Variants in PLAC1 observed in about 807,000 individuals in gnomAD.
PLAC1 encodes placenta-specific protein 1.
For missense variants in PLAC1, 136 were observed against 163.2 expected (o/e 0.83, Z 0.91); for synonymous variants, 68 against 62.1 (o/e 1.09, Z -0.44).
intron 1 of PLAC1, among the ~76,000 whole-genome samples, chrX:134,645,032 C>A (rs1218272716): frequency 9.0e-6 from 1 of 111,660 alleles, no homozygotes; most frequent in African/African-American, 3.3e-5. Context: ...CAGTTGGTAG[C>A]CTTTTGCCAT....
chrX:134,566,296 G>A lies in PLAC1; in HGVS notation c.387C>T (p.Ser129=). ...CCCTGCTCTTGCTGGCTACTCTCAT[G>A]GAGCAGGGCTTGGTGAGCCATGGGG... The part of the protein sequence containing the change: ...QKSPWLTKPC[S]MRVASKSRAT... Residue 129 remains serine, a synonymous_variant, in exon 3 of 3, where the codon TCC becomes TCT. Coordinates refer to ENST00000359237, the MANE Select transcript of PLAC1 (RefSeq NM_021796.4). The A allele has an allele frequency of 1.7e-6, 2 of 1,212,039 alleles. No homozygotes were observed. Among genetic ancestry groups the A allele is most frequent in the South Asian group, 3.5e-5 (2 of 56,999 alleles).
intron 1 of PLAC1, among the ~76,000 whole-genome samples, chrX:134,655,332 T>TACACAC (rs545237127): frequency 0.092 from 9,067 of 98,970 alleles, 622 homozygotes; most frequent in Admixed American, 0.3. Context: ...TCAATCTATT[T>TACACAC]ACACACACAC....
intron 2 of PLAC1, among the ~76,000 whole-genome samples, chrX:134,696,530 A>AG (rs1476692783): frequency 8.9e-6 from 1 of 112,206 alleles, no homozygotes; most frequent in African/African-American, 3.2e-5. Flanking sequence ...CAACCACCAA[A>AG]GGGAATTAGG....
chrX:134,688,076 C>T (rs375340548), intron 2 of PLAC1, among the ~76,000 whole-genome samples: 3 of 106,925 alleles, frequency 2.8e-5, no homozygotes, highest in Non-Finnish European at 5.8e-5. Flanking sequence ...TCCTGATGAC[C>T]GGCTCAGACT....
chrX:134,587,534 T>C (rs956236238), intron 2 of PLAC1, among the ~76,000 whole-genome samples: 1 of 110,713 alleles, frequency 9.0e-6, no homozygotes, highest in Non-Finnish European at 1.9e-5. Context: ...TGAGCTATGA[T>C]TGTGCCACTG....
chrX:134,743,144 G>A (rs945905102), intron 1 of PLAC1, among the ~76,000 whole-genome samples: 2 of 111,891 alleles, frequency 1.8e-5, no homozygotes, highest in Admixed American at 9.5e-5. Flanking sequence ...CCTAGAAGAT[G>A]TAACAAGAAA....
Position 134,635,951 on chromosome X carries a change from T to A in PLAC1, c.-131+22377A>T, listed in dbSNP as rs997454648. 2.7e-5 allele frequency among the ~76,000 whole-genome samples: 3 copies of A among 112,482 alleles called. No homozygotes were observed. The East Asian group carries it at 8.4e-4, about 31-fold the overall frequency. On this transcript the variant is annotated intron_variant, in intron 1 of 2. Transcript: ENST00000359237. ...CTAAAGCTAAGGTGCTGCCTAAAGC[T>A]AAGTTTATTGTACAAACTGGAACAC... is the stretch of plus-strand genomic sequence containing the variant.
At chrX:134,585,902 TC>T (rs1018015474) in intron 2 of PLAC1, among the ~76,000 whole-genome samples, 3 of 111,723 alleles carry the variant, frequency 2.7e-5, no homozygotes, top group African/African-American at 9.8e-5. Flanking sequence ...CCTGCTGACT[TC>T]CTGAGTCACA....
intron 2 of PLAC1, among the ~76,000 whole-genome samples, chrX:134,567,156 T>A (rs1228156414): frequency 8.9e-6 from 1 of 112,576 alleles, no homozygotes; most frequent in Non-Finnish European, 1.9e-5. Context: ...TAGGCCATAC[T>A]AATGAACCCT....
chrX:134,588,304 T>A (rs1162305603), intron 2 of PLAC1, among the ~76,000 whole-genome samples: 10 of 99,723 alleles, frequency 1.0e-4, no homozygotes, highest in African/African-American at 3.8e-4. Context: ...ATTTATTTAT[T>A]TATTTATTTA....
At chrX:134,721,468 G>A (rs752423153) in intron 2 of PLAC1, among the ~76,000 whole-genome samples, 4 of 110,997 alleles carry the variant, frequency 3.6e-5, no homozygotes, top group Non-Finnish European at 5.7e-5. Flanking sequence ...CCAGCTACTC[G>A]GGAGGCTGAG....
At chrX:134,594,580 A>G (rs1299644404) in intron 2 of PLAC1, among the ~76,000 whole-genome samples, 1 of 111,385 alleles carries the variant, frequency 9.0e-6, no homozygotes, top group Non-Finnish European at 1.9e-5. Flanking sequence ...TTATGGAGCT[A>G]CTACCTGTAT....
chrX:134,625,766 C>T (rs757896835), intron 1 of PLAC1, among the ~76,000 whole-genome samples: 1 of 111,210 alleles, frequency 9.0e-6, no homozygotes, highest in African/African-American at 3.3e-5. Context: ...ATCTTTAACC[C>T]TAACCAAGGC....
intron 1 of PLAC1, among the ~76,000 whole-genome samples, chrX:134,608,299 C>T (rs1017246135): frequency 1.8e-5 from 2 of 111,863 alleles, no homozygotes; most frequent in South Asian, 3.8e-4. Flanking sequence ...AGCTGATGAA[C>T]GGACAAGCAA....
intron 1 of PLAC1, among the ~76,000 whole-genome samples, chrX:134,657,924 T>C (rs1377769854): frequency 9.0e-6 from 1 of 111,485 alleles, no homozygotes; most frequent in Non-Finnish European, 1.9e-5. Flanking sequence ...GACTGGGAAA[T>C]ATGTGTAGGG....
chrX:134,672,882 T>C (rs1417072551), intron 2 of PLAC1, among the ~76,000 whole-genome samples: 1 of 112,676 alleles, frequency 8.9e-6, no homozygotes, highest in Non-Finnish European at 1.9e-5. Flanking sequence ...CCATAAATCC[T>C]GTCATTTCAG....
intron 1 of PLAC1, among the ~76,000 whole-genome samples, chrX:134,756,781 G>A (rs1194399209): frequency 1.8e-5 from 2 of 109,036 alleles, no homozygotes; most frequent in African/African-American, 6.7e-5. Flanking sequence ...CCCGGGAGGC[G>A]GAGGTTGCAT....
chrX:134,719,785 G>A (rs112140929), intron 2 of PLAC1, among the ~76,000 whole-genome samples: 2 of 111,325 alleles, frequency 1.8e-5, no homozygotes, highest in African/African-American at 3.3e-5. Context: ...GCAAGACTCC[G>A]TTTCAATGAA....
chrX:134,609,179 C>T (rs35026167), intron 1 of PLAC1, among the ~76,000 whole-genome samples: 3 of 111,105 alleles, frequency 2.7e-5, no homozygotes, highest in Non-Finnish European at 5.7e-5. Context: ...TTGTCATCTC[C>T]CACCATGCCC....
Sources: gnomAD v4.1 joint callset for allele counts (sites outside exome capture counted in the v4.1 genomes callset) on GRCh38, gnomAD v4.1.1 for gene constraint, MANE v1.5 for transcripts, NCBI Gene and HGNC (gene_info 2026-07-23, HGNC 2026-07-21) for gene names.